ANKRD11: variants seen among roughly 807,000 people sequenced by gnomAD.
ANKRD11 encodes ankyrin repeat domain-containing protein 11.
A neutral mutation model predicts 195.7 loss-of-function variants in ANKRD11; 17 were observed. The observed-to-expected ratio is 0.09, with a 90% CI of 0.06 to 0.13. The LOEUF (loss-of-function observed/expected upper bound fraction) is 0.13. Among genes scored for constraint, ANKRD11 ranks in the 10% least tolerant of loss-of-function variants. ANKRD11 has a pLI of 1.00. For missense variants in ANKRD11, 3,735 were observed against 3,566.1 expected, an observed-to-expected ratio of 1.05 and a Z score of -1.21; for synonymous variants, 1,953 against 1,528.1, an observed-to-expected ratio of 1.28 and a Z score of -6.49.
In ANKRD11 at chr16:89,285,954, G is replaced by A; in HGVS notation, c.892+85C>T. 1 of 1,601,516 alleles carries A rather than the reference G, an allele frequency of 6.2e-7. No individual in the cohort carries two copies. The highest frequency in any genetic ancestry group is 8.5e-7 in the Non-Finnish European group (1 of 1,171,842). On this transcript the variant is annotated intron_variant, in intron 8 of 12. Coordinates refer to ENST00000301030, the MANE Select transcript of ANKRD11 (RefSeq NM_013275.6). The surrounding 1 kb of genome is among the most constrained non-coding windows in gnomAD (Gnocchi z 5.6). ...CCAGCATCCGAGGAGGAGCTGATCAGAGGGGCAACACTGTGCAAACACCAC... is the reference window on the plus strand; with the variant it reads ...CCAGCATCCGAGGAGGAGCTGATCAAAGGGGCAACACTGTGCAAACACCAC...
chr16:89,428,271 A>G (rs994707149), intron 1 of ANKRD11, among the ~76,000 whole-genome samples: 1 of 152,082 alleles, frequency 6.6e-6, no homozygotes, highest in Non-Finnish European at 1.5e-5. Flanking sequence ...CACGCCTATA[A>G]TCCCAGCACT....
At chr16:89,391,026 A>C (rs1157848380) in intron 2 of ANKRD11, among the ~76,000 whole-genome samples, 1 of 152,110 alleles carries the variant, frequency 6.6e-6, no homozygotes, top group Non-Finnish European at 1.5e-5. Context: ...CAGGAGATCG[A>C]GACCATCCTG....
chr16:89,431,645 A>G (rs1172437923), intron 1 of ANKRD11, among the ~76,000 whole-genome samples: 1 of 149,944 alleles, frequency 6.7e-6, no homozygotes, highest in Admixed American at 6.7e-5. Flanking sequence ...TCCTTCCTCC[A>G]CCTCCTCCCT....
chr16:89,442,286 CA>C (rs2043547224), intron 1 of ANKRD11, among the ~76,000 whole-genome samples: 1 of 152,316 alleles, frequency 6.6e-6, no homozygotes, highest in East Asian at 1.9e-4. Flanking sequence ...CAGTATTCTA[CA>C]ATCTAACTCT....
At chr16:89,454,237 TACAG>T (rs1242476427) in intron 1 of ANKRD11, among the ~76,000 whole-genome samples, 1 of 152,010 alleles carries the variant, frequency 6.6e-6, no homozygotes, top group Non-Finnish European at 1.5e-5. Context: ...AGCTGTAGCT[TACAG>T]ACCAAGGCCA....
intron 2 of ANKRD11, among the ~76,000 whole-genome samples, chr16:89,337,274 CG>C: frequency 6.6e-6 from 1 of 152,004 alleles, no homozygotes; most frequent in East Asian, 1.9e-4. Flanking sequence ...CCCAAGGAAA[CG>C]TCAGAAAGGA....
intron 2 of ANKRD11, among the ~76,000 whole-genome samples, chr16:89,407,147 T>C (rs887637640): frequency 1.3e-5 from 2 of 151,452 alleles, no homozygotes; most frequent in Non-Finnish European, 2.9e-5. Flanking sequence ...GACGTGCCAC[T>C]GCACTCCAGC....
Position 89,280,439 on chromosome 16 carries a change from C to T in ANKRD11, c.6103G>A (p.Glu2035Lys). The T allele has an allele frequency of 6.3e-7, 1 of 1,582,990 alleles. No homozygotes were observed. The highest frequency in any genetic ancestry group is 8.6e-7 in the Non-Finnish European group (1 of 1,163,202). Residue 2035 changes from glutamate (E) to lysine (K), a missense_variant, in exon 9 of 13, where the codon GAG (glutamate) becomes AAG (lysine). Transcript: ENST00000301030. The stretch of plus-strand genomic sequence containing the variant: ...GCGTCCACTCCGTCCTTGACGTCCT[C>T]CAGCCCCGGCTCAGCGACGGGCAGA... ...YALPVAEPGL[E>K]DVKDGVDAVP...
chr16:89,270,791 G>T (rs774671237), intron 12 of ANKRD11, 26 bp downstream of exon 12: 1 of 1,607,822 alleles, frequency 6.2e-7, no homozygotes, highest in South Asian at 1.1e-5. Flanking sequence ...CCCCCAGGCA[G>T]AACTGAGGGG....
At chr16:89,316,811 G>C in intron 3 of ANKRD11, 122 bp downstream of exon 3, 2 of 1,224,366 alleles carry the variant, frequency 1.6e-6, no homozygotes, top group Non-Finnish European at 2.3e-6. Context: ...CCTGGCTGCA[G>C]ACAGAGGCAC....
chr16:89,350,614 A>C (rs761894605), intron 2 of ANKRD11, among the ~76,000 whole-genome samples: 3 of 152,260 alleles, frequency 2.0e-5, no homozygotes, highest in Non-Finnish European at 4.4e-5. Flanking sequence ...GACCGAAAGC[A>C]CATCAGCATC....
At chr16:89,405,543 G>C (rs970889803) in intron 2 of ANKRD11, among the ~76,000 whole-genome samples, 1 of 144,902 alleles carries the variant, frequency 6.9e-6, no homozygotes, top group African/African-American at 2.6e-5. Flanking sequence ...TATGTTGTCC[G>C]GGCTGGTCTC....
At chr16:89,305,618 A>G (rs1456155544) in intron 3 of ANKRD11, among the ~76,000 whole-genome samples, 2 of 151,976 alleles carry the variant, frequency 1.3e-5, no homozygotes, top group Non-Finnish European at 2.9e-5. Flanking sequence ...GTGTGGAGAA[A>G]GCAGAGGAGA....
intron 3 of ANKRD11, among the ~76,000 whole-genome samples, chr16:89,310,379 T>A (rs969205352): frequency 6.6e-6 from 1 of 152,248 alleles, no homozygotes; most frequent in African/African-American, 2.4e-5. Context: ...ACTGTCTGCA[T>A]CCTCCAATTC....
In ANKRD11 at chr16:89,285,549, G is replaced by C; in HGVS notation, c.993C>G (p.Ala331=). The C allele has an allele frequency of 6.2e-7, 1 of 1,614,096 alleles. No homozygotes were observed. Among genetic ancestry groups the C allele is most frequent in the African/African-American group, 1.3e-5 (1 of 75,004 alleles). The stretch of plus-strand genomic sequence containing the variant: ...TGGCCTTCTGTGGCTCTGGGTTCTT[G>C]GCCTTGTGCTTGAGGCCTTTTTCGA... The part of the protein sequence containing the change: ...SEFEKGLKHK[A]KNPEPQKATA... Residue 331 remains alanine (A), a synonymous_variant, in exon 9 of 13, where the codon GCC becomes GCG. Transcript: ENST00000301030. The surrounding 1 kb of genome is among the most constrained non-coding windows in gnomAD (Gnocchi z 5.6).
At chr16:89,270,711 G>T in intron 12 of ANKRD11, 106 bp downstream of exon 12, 1 of 1,095,410 alleles carries the variant, frequency 9.1e-7, no homozygotes, top group Non-Finnish European at 1.4e-6. Flanking sequence ...TCACAGAACT[G>T]GGCAGCGGCC....
chr16:89,483,707 A>G (rs1367754080), intron 1 of ANKRD11, among the ~76,000 whole-genome samples: 1 of 152,108 alleles, frequency 6.6e-6, no homozygotes. Context: ...GCGTGCCTGT[A>G]ATCCCAGCTA....
In ANKRD11 at chr16:89,283,828, A is replaced by T. The variant is rs1285716261; in HGVS notation, c.2714T>A (p.Phe905Tyr). The change falls in exon 9 of 13, where the codon TTC (phenylalanine) becomes TAC (tyrosine). Residue 905 changes from phenylalanine (F) to tyrosine (Y), a missense_variant. Transcript: ENST00000301030. The surrounding 1 kb of genome is among the most constrained non-coding windows in gnomAD (Gnocchi z 4.3). Reference protein sequence around the residue: ...REKRDYREPFFRKKDRDYLDK... With the variant: ...REKRDYREPFYRKKDRDYLDK... Reference sequence around the variant, plus strand: ...CAAATAGTCCCTGTCCTTCTTTCGGAAGAAGGGCTCTCTGTAGTCTCGCTT... The same window carrying T: ...CAAATAGTCCCTGTCCTTCTTTCGGTAGAAGGGCTCTCTGTAGTCTCGCTT... 1 of 1,613,984 alleles carries T rather than the reference A, an allele frequency of 6.2e-7. No homozygotes were observed. The highest frequency in any genetic ancestry group is 1.3e-5 in the African/African-American group (1 of 74,896).
chr16:89,485,765 T>A (rs983269701), intron 1 of ANKRD11, among the ~76,000 whole-genome samples: 9 of 152,274 alleles, frequency 5.9e-5, no homozygotes, highest in African/African-American at 2.2e-4. Flanking sequence ...TGTCTTTCCC[T>A]CCAAAGAGAT....
Sources: allele counts gnomAD v4.1 joint callset (sites outside exome capture counted in the v4.1 genomes callset), GRCh38; gene constraint gnomAD v4.1.1; non-coding constraint Gnocchi (gnomAD v3.1); transcripts MANE v1.5; gene names NCBI Gene and HGNC (gene_info 2026-07-23, HGNC 2026-07-21).